The following POU2F2 variants were observed in gnomAD, a reference collection of about 807,000 sequenced individuals.
POU2F2 encodes the protein POU domain, class 2, transcription factor 2.
A neutral mutation model predicts 63.5 loss-of-function variants in POU2F2; 14 were observed. The observed-to-expected ratio is 0.22, with a 90% confidence interval of 0.15 to 0.34. The LOEUF (loss-of-function observed/expected upper bound fraction) is 0.34. Among genes scored for constraint, POU2F2 ranks in the 10% least tolerant of loss-of-function variants. The pLI is 1.00. For synonymous variants in POU2F2, 306 were observed against 348.6 expected (o/e 0.88, Z 1.36); for missense variants, 607 against 815.2 (o/e 0.74, Z 3.11).
At chr19:42,158,697 T>C (rs2146783661) in intron 2 of POU2F2, among the ~76,000 whole-genome samples, 1 of 152,340 alleles carries the variant, frequency 6.6e-6, no homozygotes, top group Admixed American at 6.5e-5. Flanking sequence ...CATGAAATCA[T>C]GGATATTTAA....
At chr19:42,176,784 G>C (rs1428861077), upstream of POU2F2, among the ~76,000 whole-genome samples, 2 of 151,594 alleles carry the variant, frequency 1.3e-5, no homozygotes, top group South Asian at 4.2e-4. Context: ...GGCGCCGAGA[G>C]GGAGGCGAGA....
chr19:42,092,033 G>C lies in POU2F2; in HGVS notation c.1466+36C>G. 1 of 1,578,202 alleles carries C rather than the reference G, an allele frequency of 6.3e-7. No individual in the cohort carries two copies. Among genetic ancestry groups the C allele is most frequent in the Non-Finnish European group, 8.6e-7 (1 of 1,162,878 alleles). ...CCACCCTAGAAGCAGCAGCGACCCT[G>C]CTTCTCCCCACAGCTTCCCACGTGC... On this transcript the variant is annotated intron_variant, in intron 13 of 14. Transcript: ENST00000692977. The surrounding 1 kb of genome is among the most constrained non-coding windows in gnomAD (Gnocchi z 5.0).
chr19:42,163,454 C>A (rs528510209), intron 1 of POU2F2, among the ~76,000 whole-genome samples: 10 of 152,158 alleles, frequency 6.6e-5, no homozygotes, highest in South Asian at 2.1e-4. Flanking sequence ...AGGGGGGCAG[C>A]GGAAGGGATG....
intron 7 of POU2F2, chr19:42,099,243 G>C: frequency 2.7e-6 from 1 of 370,594 alleles, no homozygotes; most frequent in Middle Eastern, 8.0e-4. Flanking sequence ...AGCATTTTGG[G>C]GGAATGGGGA....
At chr19:42,103,085 G>A (rs2077203930) in intron 5 of POU2F2, among the ~76,000 whole-genome samples, 3 of 150,758 alleles carry the variant, frequency 2.0e-5, no homozygotes, top group South Asian at 2.1e-4. Context: ...TATACATGCC[G>A]TTCCCTCTCC....
At chr19:42,147,762 G>A (rs527326946) in intron 2 of POU2F2, among the ~76,000 whole-genome samples, 29 of 152,306 alleles carry the variant, frequency 1.9e-4, no homozygotes, top group Admixed American at 5.9e-4. Flanking sequence ...TTGACAGTGC[G>A]TTGGGAAAAA....
At position 42,096,060 on chromosome 19, in the gene POU2F2, A is replaced by G; in HGVS notation, c.729+22T>C. Reference sequence around the variant, plus strand: ...GGCCACGCCCCCACGCCCACCGCCCAGCCTGCAAGGTGCCTCCAGACCTGC... The same window carrying G: ...GGCCACGCCCCCACGCCCACCGCCCGGCCTGCAAGGTGCCTCCAGACCTGC... On this transcript the variant is annotated intron_variant, in intron 8 of 14. Transcript: ENST00000692977. This position sits in a 1 kb window ranked among gnomAD's most constrained non-coding sequence, Gnocchi z 4.1. The G allele has an allele frequency of 1.2e-6, 2 of 1,612,482 alleles. No individual in the cohort carries two copies.
In POU2F2 at chr19:42,169,739, C is replaced by T. The variant is rs573070703; in HGVS notation, c.-70+6224G>A. On this transcript the variant is annotated intron_variant, in intron 1 of 6. Transcript: ENST00000524801. This position sits in a 1 kb window ranked among gnomAD's most constrained non-coding sequence, Gnocchi z 4.3. ...CTCTCTAGTTTGGCGAATGAGTGCG[C>T]GCACACGTGTGTGTGTGCGTGTGTG... 7.9e-5 allele frequency among the ~76,000 whole-genome samples: 12 copies of T among 152,044 alleles called. No homozygotes were observed. The highest frequency in any genetic ancestry group is 8.8e-5 in the Non-Finnish European group (6 of 68,008).
At position 42,171,911 on chromosome 19, in the gene POU2F2, G is replaced by A. The variant is rs116193912; in HGVS notation, c.-70+4052C>T. On this transcript the variant is annotated intron_variant, in intron 1 of 6. Transcript: ENST00000524801. ...CACACTCATGCTCATAGACAAGTCC[G>A]TATTGTCCAAAGTACGTTGTCACGA... Among the ~76,000 whole-genome samples, 1,015 of 152,240 alleles carry A rather than the reference G, an allele frequency of 6.7e-3. 14 individuals carry two copies. The highest frequency in any genetic ancestry group is 0.023 in the African/African-American group (969 of 41,538).
chr19:42,110,838 C>T (rs950171169), intron 5 of POU2F2: 1 of 436,006 alleles, frequency 2.3e-6, no homozygotes, highest in Admixed American at 2.4e-5. Context: ...TCATAAATGG[C>T]AGTCATTATG....
chr19:42,134,828 G>T (rs1391302450), upstream of POU2F2, among the ~76,000 whole-genome samples: 1 of 152,106 alleles, frequency 6.6e-6, no homozygotes, highest in East Asian at 1.9e-4. Flanking sequence ...CATATTTCTC[G>T]CCGGATCGAT....
upstream of POU2F2, among the ~76,000 whole-genome samples, chr19:42,176,654 C>T (rs2034886210): frequency 6.6e-6 from 1 of 151,804 alleles, no homozygotes; most frequent in Non-Finnish European, 1.5e-5. Flanking sequence ...CTTTCCATCC[C>T]TGCCCCCCGC....
intron 1 of POU2F2, among the ~76,000 whole-genome samples, chr19:42,168,383 T>C (rs552751954): frequency 6.6e-6 from 1 of 152,330 alleles, no homozygotes; most frequent in East Asian, 1.9e-4. Flanking sequence ...TTCCCAGTCA[T>C]GTAAAGTCTC....
exon 1 of POU2F2, chr19:42,196,585 T>C (rs753413902): frequency 6.6e-6 from 1 of 152,278 alleles, no homozygotes; most frequent in Non-Finnish European, 1.5e-5. Flanking sequence ...TGGGCTCCGA[T>C]CTCCTGTGGC....
At chr19:42,106,968 G>A (rs2030180685) in intron 5 of POU2F2, among the ~76,000 whole-genome samples, 1 of 152,090 alleles carries the variant, frequency 6.6e-6, no homozygotes, top group Non-Finnish European at 1.5e-5. Flanking sequence ...TGAGGTGGCA[G>A]TAAGCTATGA....
chr19:42,192,265 G>A (rs1167275438), intron 1 of POU2F2, among the ~76,000 whole-genome samples: 1 of 152,142 alleles, frequency 6.6e-6, no homozygotes, highest in Admixed American at 6.6e-5. Flanking sequence ...CTTCAGGAAC[G>A]AGGTGAAGTG....
At chr19:42,188,907 G>GGAAGGAAGGAAGGAAA (rs2035045357) in intron 1 of POU2F2, among the ~76,000 whole-genome samples, 1 of 117,536 alleles carries the variant, frequency 8.5e-6, no homozygotes, top group African/African-American at 4.8e-5. Context: ...AGAGAAGAGA[G>GGAAGGAAGGAAGGAAA]GAAGGAAGGA....
At chr19:42,126,170 C>A (rs994604915) in intron 1 of POU2F2, among the ~76,000 whole-genome samples, 1 of 152,086 alleles carries the variant, frequency 6.6e-6, no homozygotes, top group Non-Finnish European at 1.5e-5. Context: ...AGGGGGCGGG[C>A]GCGGTGGCTC....
At chr19:42,171,715 G>C (rs569468203) in intron 1 of POU2F2, among the ~76,000 whole-genome samples, 1 of 152,170 alleles carries the variant, frequency 6.6e-6, no homozygotes, top group Non-Finnish European at 1.5e-5. Context: ...TCTGCACCCC[G>C]GGTGGGGGAG....
Sources: gnomAD v4.1 joint callset for allele counts (sites outside exome capture counted in the v4.1 genomes callset) on GRCh38, gnomAD v4.1.1 for gene constraint, Gnocchi (gnomAD v3.1) non-coding constraint, MANE v1.5 for transcripts, NCBI Gene and HGNC (gene_info 2026-07-23, HGNC 2026-07-21) for gene names.